FMN2: variants seen among roughly 807,000 people sequenced by gnomAD.
The protein encoded by FMN2 is formin-2.
A neutral mutation model predicts 142.3 loss-of-function variants in FMN2; 51 were observed. That is an observed-to-expected ratio of 0.36 (90% confidence interval 0.29 to 0.45). The LOEUF is 0.45. Ranked by LOEUF, FMN2 falls within the 20% of genes least tolerant of loss-of-function variation. The pLI, the probability that FMN2 is intolerant of heterozygous loss-of-function variation, is 1.00. For missense variants in FMN2, 1,936 were observed against 2,122.8 expected (o/e 0.91, Z 1.73); for synonymous variants, 882 against 869.8 (o/e 1.01, Z -0.25).
intron 15 of FMN2, among the ~76,000 whole-genome samples, chr1:240,405,618 CAAA>C (rs199827275): frequency 4.3e-5 from 5 of 116,878 alleles, no homozygotes; most frequent in Admixed American, 9.3e-5. Context: ...AACTCCGTCT[CAAA>C]AAAAAAAAAA....
intron 13 of FMN2, among the ~76,000 whole-genome samples, chr1:240,352,119 G>A (rs1386840677): frequency 6.6e-6 from 1 of 152,098 alleles, no homozygotes; most frequent in Non-Finnish European, 1.5e-5. Flanking sequence ...TAAACATGAG[G>A]CTAATAGGAT....
At chr1:240,256,842 C>T (rs1266547588) in intron 6 of FMN2, among the ~76,000 whole-genome samples, 1 of 152,180 alleles carries the variant, frequency 6.6e-6, no homozygotes, top group Non-Finnish European at 1.5e-5. Context: ...TCCTCACCCC[C>T]ATCCGTGCTG....
chr1:240,406,009 G>T (rs1238092324), intron 15 of FMN2, among the ~76,000 whole-genome samples: 1 of 150,658 alleles, frequency 6.6e-6, no homozygotes, highest in Non-Finnish European at 1.5e-5. Flanking sequence ...GCAGCCTCAG[G>T]AGTGGGGGAA....
chr1:240,404,537 A>T (rs116546788), intron 15 of FMN2, among the ~76,000 whole-genome samples: 1 of 152,310 alleles, frequency 6.6e-6, no homozygotes, highest in Non-Finnish European at 1.5e-5. Flanking sequence ...TTATTTCCCA[A>T]TTTGGATTTC....
chr1:240,367,299 T>C (rs1240906881), intron 14 of FMN2, among the ~76,000 whole-genome samples: 1 of 152,200 alleles, frequency 6.6e-6, no homozygotes, highest in African/African-American at 2.4e-5. Flanking sequence ...TATTAGGACA[T>C]CTTTATATAT....
At chr1:240,171,388 T>C (rs1219203315) in intron 2 of FMN2, 61 of 550,048 alleles carry the variant, frequency 1.1e-4, no homozygotes, top group Admixed American at 3.3e-4. Flanking sequence ...CAGCAGCTAC[T>C]CCAGAGAATG....
intron 14 of FMN2, among the ~76,000 whole-genome samples, chr1:240,372,723 A>T (rs1178288199): frequency 1.3e-5 from 2 of 151,656 alleles, no homozygotes; most frequent in African/African-American, 4.8e-5. Flanking sequence ...CAGTAAAGCA[A>T]TATTGGTTCC....
At chr1:240,161,559 G>A (rs1441672632) in intron 2 of FMN2, among the ~76,000 whole-genome samples, 1 of 151,656 alleles carries the variant, frequency 6.6e-6, no homozygotes, top group East Asian at 1.9e-4. Flanking sequence ...CAAGTGGAAA[G>A]AGTTAATATT....
chr1:240,188,344 C>A, intron 4 of FMN2, 82 bp downstream of exon 4: 1 of 1,434,042 alleles, frequency 7.0e-7, no homozygotes, highest in Non-Finnish European at 9.7e-7. Flanking sequence ...ATTTATCTTT[C>A]CATCTGCCCG....
At chr1:240,470,119 A>G (rs1442176313) in intron 16 of FMN2, among the ~76,000 whole-genome samples, 4 of 152,272 alleles carry the variant, frequency 2.6e-5, no homozygotes, top group African/African-American at 4.8e-5. Context: ...AAATACTTGT[A>G]AAGTACATTT....
intron 16 of FMN2, among the ~76,000 whole-genome samples, chr1:240,443,789 A>C (rs1301500002): frequency 6.6e-6 from 1 of 152,006 alleles, no homozygotes; most frequent in Non-Finnish European, 1.5e-5. Context: ...GTCTGTATTC[A>C]CCAGAAGATG....
At chr1:240,126,061 C>T (rs996324458) in intron 2 of FMN2, among the ~76,000 whole-genome samples, 2 of 151,756 alleles carry the variant, frequency 1.3e-5, no homozygotes, top group Admixed American at 6.6e-5. Context: ...ATGCCCTATA[C>T]TTAAATAGCA....
Position 240,474,243 on chromosome 1 carries a change from C to A in FMN2, c.*89C>A. The A allele has an allele frequency of 8.3e-7, 1 of 1,206,644 alleles. No individual in the cohort carries two copies. The allele number at this position is 1,206,644 out of a possible 1,614,324, so 74.7% of individuals were successfully genotyped here. On this transcript the variant is annotated 3_prime_UTR_variant, in exon 18 of 18. Transcript: ENST00000319653. ...GAGTGGGAGGGAAACTACCGTCATT[C>A]TGCTCATGTTTCTTCTTGACCTCTT...
intron 14 of FMN2, among the ~76,000 whole-genome samples, chr1:240,380,867 TTAAAA>T (rs1466331247): frequency 6.6e-6 from 1 of 151,562 alleles, no homozygotes; most frequent in Non-Finnish European, 1.5e-5. Flanking sequence ...GAAAAAAAGA[TTAAAA>T]TAAGCACAAT....
intron 14 of FMN2, among the ~76,000 whole-genome samples, chr1:240,364,831 G>A (rs1286326793): frequency 6.6e-6 from 1 of 151,880 alleles, no homozygotes; most frequent in Admixed American, 6.5e-5. Flanking sequence ...ACAGATGAAT[G>A]AATGAAGGAA....
intron 7 of FMN2, among the ~76,000 whole-genome samples, chr1:240,272,666 G>C (rs1669058063): frequency 6.6e-6 from 1 of 152,102 alleles, no homozygotes; most frequent in South Asian, 2.1e-4. Context: ...TCCTATTCTT[G>C]TGAGGTATAT....
chr1:240,346,581 C>T (rs927801138), intron 13 of FMN2, among the ~76,000 whole-genome samples: 3 of 152,114 alleles, frequency 2.0e-5, no homozygotes, highest in Non-Finnish European at 4.4e-5. Flanking sequence ...CTGAATTTTT[C>T]CAAAGCATTG....
At chr1:240,154,477 A>G (rs1419217861) in intron 2 of FMN2, among the ~76,000 whole-genome samples, 1 of 152,174 alleles carries the variant, frequency 6.6e-6, no homozygotes, top group Non-Finnish European at 1.5e-5. Flanking sequence ...ATCCTGACAC[A>G]TTGAAGAAAT....
chr1:240,399,780 C>T (rs1487057744), intron 15 of FMN2, among the ~76,000 whole-genome samples: 2 of 151,266 alleles, frequency 1.3e-5, no homozygotes, highest in African/African-American at 4.9e-5. Flanking sequence ...TCCACTCTAG[C>T]TGATTTTAGG....
Sources: allele counts gnomAD v4.1 joint callset (sites outside exome capture counted in the v4.1 genomes callset), GRCh38; gene constraint gnomAD v4.1.1; transcripts MANE v1.5; gene names NCBI Gene and HGNC (gene_info 2026-07-23, HGNC 2026-07-21).